Variants in SYTL3 observed in about 807,000 individuals in gnomAD.
SYTL3 encodes the protein synaptotagmin-like protein 3.
Under a neutral mutation model 82.1 loss-of-function variants are expected in SYTL3, and 88 were observed. The observed-to-expected ratio is 1.07, with a 90% CI of 0.90 to 1.28. SYTL3 has a LOEUF of 1.28. Among genes scored for constraint, SYTL3 ranks in the 50% most tolerant of loss-of-function variants. The pLI, the probability that SYTL3 is intolerant of heterozygous loss-of-function variation, is 0.00. For missense variants in SYTL3, 831 were observed against 757.6 expected (o/e 1.10, Z -1.14); for synonymous variants, 311 against 289.4 (o/e 1.07, Z -0.76).
At chr6:158,731,160 T>G (rs888581667) in intron 11 of SYTL3, among the ~76,000 whole-genome samples, 2 of 151,822 alleles carry the variant, frequency 1.3e-5, no homozygotes, top group Non-Finnish European at 2.9e-5. Context: ...GGCGGGCGCC[T>G]GTAATCCCAG....
Position 158,763,943 on chromosome 6 carries a change from A to AGGTTCTGTGCCTGGCACT in SYTL3, c.1723+436_1723+453dup, listed in dbSNP as rs545846522. On this transcript the variant is annotated intron_variant, in intron 17 of 17. Transcript: ENST00000611299. The stretch of plus-strand genomic sequence containing the variant: ...GGTAGGTGGACAGCCCTCTGCTGTG[A>AGGTTCTGTGCCTGGCACT]GGTTCTGTGCCTGGCACTGCTTCTG... Among the ~76,000 whole-genome samples the AGGTTCTGTGCCTGGCACT allele has an allele frequency of 1.6e-3, 247 of 152,292 alleles. 1 individual carries two copies. The highest frequency in any genetic ancestry group is 5.6e-3 in the African/African-American group (232 of 41,564).
At position 158,742,279 on chromosome 6, in the gene SYTL3, G is replaced by A. The variant is rs144496759; in HGVS notation, c.856-3201G>A. ...ATATCAAATAGCAAATTCCAACAAT[G>A]CAAAAACTGCAATTATTTTTGCACT... On this transcript the variant is annotated intron_variant, in intron 11 of 17. Coordinates refer to ENST00000611299, the MANE Select transcript of SYTL3 (RefSeq NM_001242394.2). Among the ~76,000 whole-genome samples the A allele has an allele frequency of 2.2e-3, 336 of 152,300 alleles. 2 individuals are homozygous for A. Among genetic ancestry groups the A allele is most frequent in the East Asian group, 9.5e-3 (49 of 5,184 alleles).
chr6:158,687,407 T>C (rs1038841211), intron 6 of SYTL3, among the ~76,000 whole-genome samples: 1 of 152,178 alleles, frequency 6.6e-6, no homozygotes, highest in African/African-American at 2.4e-5. Flanking sequence ...ACAATATCTT[T>C]TATGGTCTAG....
chr6:158,745,201 G>A (rs931931013), intron 11 of SYTL3, among the ~76,000 whole-genome samples: 4 of 148,150 alleles, frequency 2.7e-5, no homozygotes, highest in African/African-American at 7.6e-5. Flanking sequence ...AGTCCATTTC[G>A]CCCCAAGCAA....
At chr6:158,700,514 C>G (rs1421443106) in intron 6 of SYTL3, among the ~76,000 whole-genome samples, 2 of 152,068 alleles carry the variant, frequency 1.3e-5, no homozygotes, top group Non-Finnish European at 2.9e-5. Flanking sequence ...TGTGCAAAAC[C>G]AATGACCTTG....
intron 5 of SYTL3, among the ~76,000 whole-genome samples, chr6:158,677,513 C>T (rs1778185422): frequency 6.6e-6 from 1 of 151,772 alleles, no homozygotes; most frequent in Non-Finnish European, 1.5e-5. Flanking sequence ...AACACACCTG[C>T]ACGTTGTGCA....
At chr6:158,663,515 A>G (rs1020001138) in intron 4 of SYTL3, 137 bp downstream of exon 4, 4 of 1,460,076 alleles carry the variant, frequency 2.7e-6, no homozygotes, top group Non-Finnish European at 2.7e-6. Flanking sequence ...AAGGGTCCTA[A>G]CGAAGGTCTG....
intron 8 of SYTL3, among the ~76,000 whole-genome samples, chr6:158,709,773 A>C (rs1782556187): frequency 6.6e-6 from 1 of 152,184 alleles, no homozygotes; most frequent in Non-Finnish European, 1.5e-5. Context: ...AAAATCTAAA[A>C]ATGATTTTGA....
At chr6:158,676,586 A>T (rs1160671666) in intron 5 of SYTL3, among the ~76,000 whole-genome samples, 2 of 152,108 alleles carry the variant, frequency 1.3e-5, no homozygotes, top group African/African-American at 4.8e-5. Context: ...GCTTCTGCAC[A>T]GCAAAAGAAA....
chr6:158,645,833 G>T (rs1787409678), upstream of SYTL3, among the ~76,000 whole-genome samples: 1 of 152,102 alleles, frequency 6.6e-6, no homozygotes, highest in South Asian at 2.1e-4. Flanking sequence ...ACTAATCTTA[G>T]TGATCTTTGG....
chr6:158,666,143 A>C (rs1362542826), intron 5 of SYTL3, among the ~76,000 whole-genome samples: 1 of 152,176 alleles, frequency 6.6e-6, no homozygotes, highest in East Asian at 1.9e-4. Context: ...AGGAGTTCAG[A>C]TTCATTTGGG....
chr6:158,724,130 A>G (rs1784437624), intron 10 of SYTL3, among the ~76,000 whole-genome samples: 1 of 152,038 alleles, frequency 6.6e-6, no homozygotes, highest in African/African-American at 2.4e-5. Context: ...CTTCCATTTG[A>G]ATGGTGTCTC....
At chr6:158,702,280 C>T (rs890372656) in intron 6 of SYTL3, among the ~76,000 whole-genome samples, 4 of 148,446 alleles carry the variant, frequency 2.7e-5, no homozygotes, top group Admixed American at 6.8e-5. Context: ...GAACCAAGAT[C>T]GCGCTATTGT....
rs1162634544 is a variant in SYTL3 at position 158,763,440 on chromosome 6, T to A, written c.1654T>A (p.Leu552Ile). Residue 552 changes from leucine (L) to isoleucine (I), a missense_variant, in exon 17 of 18, where the codon TTA (leucine) becomes ATA (isoleucine). Leu to Ile is a conservative substitution (Grantham distance 5). Coordinates refer to ENST00000611299, the MANE Select transcript of SYTL3 (RefSeq NM_001242394.2). ...PAQLRQSSLE[L>I]TVWDQALFGM... ...TCAGCTGAGGCAGTCAAGCTTGGAG[T>A]TAACTGTCTGGGATCAGGCCCTCTT... The A allele has an allele frequency of 6.2e-7, 1 of 1,614,162 alleles. No individual in the cohort carries two copies. Among genetic ancestry groups the A allele is most frequent in the South Asian group, 1.1e-5 (1 of 91,084 alleles).
chr6:158,659,404 G>A (rs1227858611), intron 2 of SYTL3, among the ~76,000 whole-genome samples: 1 of 152,130 alleles, frequency 6.6e-6, no homozygotes, highest in Non-Finnish European at 1.5e-5. Context: ...TGCCCAGGCT[G>A]GAGTGCGATG....
At chr6:158,732,906 A>G (rs2128492248) in intron 11 of SYTL3, among the ~76,000 whole-genome samples, 1 of 152,236 alleles carries the variant, frequency 6.6e-6, no homozygotes, top group African/African-American at 2.4e-5. Flanking sequence ...TTCTTTTAAA[A>G]ACTCAAGCAA....
At chr6:158,735,156 A>G (rs1450049976) in intron 11 of SYTL3, among the ~76,000 whole-genome samples, 1 of 152,164 alleles carries the variant, frequency 6.6e-6, no homozygotes, top group Non-Finnish European at 1.5e-5. Context: ...GGGAACCAGG[A>G]TGCTAGCCTA....
At chr6:158,741,619 C>T (rs943758478) in intron 11 of SYTL3, among the ~76,000 whole-genome samples, 4 of 152,158 alleles carry the variant, frequency 2.6e-5, no homozygotes, top group Non-Finnish European at 1.5e-5. Context: ...TTGGGAAGTG[C>T]TTTGGAGTTT....
chr6:158,736,942 G>T (rs1744682610), intron 11 of SYTL3, among the ~76,000 whole-genome samples: 2 of 150,166 alleles, frequency 1.3e-5, no homozygotes, highest in African/African-American at 4.9e-5. Flanking sequence ...TCCTGGCGAT[G>T]TTATTTTTCT....
Sources: gnomAD v4.1 joint callset for allele counts (sites outside exome capture counted in the v4.1 genomes callset) on GRCh38, gnomAD v4.1.1 for gene constraint, MANE v1.5 for transcripts, NCBI Gene and HGNC (gene_info 2026-07-23, HGNC 2026-07-21) for gene names.